The following PLA2G4D variants were observed in gnomAD, a reference collection of about 807,000 sequenced individuals.
PLA2G4D encodes cytosolic phospholipase A2 delta.
In PLA2G4D, 80 loss-of-function variants were observed where a neutral mutation model predicts 94.4. That is an observed-to-expected ratio of 0.85 (90% CI 0.71 to 1.02). PLA2G4D has a LOEUF of 1.02. Among genes scored for constraint, PLA2G4D ranks in the 50% least tolerant of loss-of-function variants. PLA2G4D has a pLI of 0.00. For missense variants in PLA2G4D, 1,050 were observed against 1,034.7 expected, an observed-to-expected ratio of 1.01 and a Z score of -0.20; for synonymous variants, 438 against 440.9, an observed-to-expected ratio of 0.99 and a Z score of 0.08.
chr15:42,093,064 A>C (rs1008175221), intron 1 of PLA2G4D, among the ~76,000 whole-genome samples: 8 of 152,148 alleles, frequency 5.3e-5, no homozygotes, highest in African/African-American at 1.9e-4. Context: ...GGCACGTTCC[A>C]GAACAGGTCC....
intron 11 of PLA2G4D, 119 bp downstream of exon 11, chr15:42,081,360 T>C: frequency 2.7e-6 from 4 of 1,487,414 alleles, no homozygotes; most frequent in East Asian, 2.3e-5. Context: ...CACGCTCCCA[T>C]GTCTCCACAC....
At chr15:42,094,290 T>A in intron 1 of PLA2G4D, 125 bp downstream of exon 1, 5 of 1,016,326 alleles carry the variant, frequency 4.9e-6, no homozygotes, top group African/African-American at 1.6e-5. Context: ...ATCCCAAATC[T>A]CAGACTCCCT....
chr15:42,070,021 G>T lies in PLA2G4D; in HGVS notation c.2118C>A (p.Asp706Glu). 1.3e-6 allele frequency: 2 copies of T among 1,515,688 alleles called. No homozygotes were observed. Among genetic ancestry groups the T allele is most frequent in the Non-Finnish European group, 1.8e-6 (2 of 1,132,764 alleles). 93.9% of individuals were successfully genotyped at this position (1,515,688 alleles called of 1,614,324 possible). Residue 706 changes from aspartate (D) to glutamate (E), a missense_variant, in exon 19 of 20, where the codon GAC (aspartate) becomes GAA (glutamate). Coordinates refer to ENST00000290472, the MANE Select transcript of PLA2G4D (RefSeq NM_178034.4). ...PFPRVEPSPQDQHQPRECHLF... is the reference protein window; with the variant it reads ...PFPRVEPSPQEQHQPRECHLF... The stretch of plus-strand genomic sequence containing the variant: ...GGTGGCATTCCCTTGGCTGGTGCTG[G>T]TCCTGAGGGCTGGGTTCCACCCGGG...
chr15:42,085,865 C>G (rs1025193925), intron 4 of PLA2G4D, among the ~76,000 whole-genome samples: 1 of 152,172 alleles, frequency 6.6e-6, no homozygotes, highest in Non-Finnish European at 1.5e-5. Context: ...GGGCCCAGAC[C>G]CCCGAACTCT....
rs201031755 is a variant in PLA2G4D at position 42,087,700 on chromosome 15, C to G, written c.46G>C (p.Gly16Arg). 1.1e-4 allele frequency: 171 copies of G among 1,614,026 alleles called. No individual in the cohort carries two copies. The highest frequency in any genetic ancestry group is 1.2e-4 in the Non-Finnish European group (146 of 1,179,944). ...AGCTGCCAGCAGGTAGAGGCCTCCC[C>G]CTGAAGAGAAAATCAAACTCCAGAG... ...PGGPPGHPYQ[G>R]EASTCWQLTV... Residue 16 changes from glycine to arginine, a missense_variant and splice_region_variant, in exon 2 of 20, where the codon GGG becomes CGG. Transcript: ENST00000290472.
intron 13 of PLA2G4D, among the ~76,000 whole-genome samples, chr15:42,074,114 A>G (rs748180320): frequency 6.6e-6 from 1 of 152,128 alleles, no homozygotes; most frequent in Non-Finnish European, 1.5e-5. Context: ...GATACATATG[A>G]CTAGGGAAAA....
chr15:42,091,997 A>G lies in PLA2G4D; in HGVS notation c.45+2418T>C, dbSNP rs574030458. 8.5e-5 allele frequency among the ~76,000 whole-genome samples: 13 copies of G among 152,276 alleles called. No homozygotes were observed. In the East Asian group the frequency reaches 2.5e-3, roughly 29 times the overall value. ...CCAATAAACAACAGCACAGCCAGAC[A>G]TTCAGGGCCACTACCGGTCTCCGCG... On this transcript the variant is annotated intron_variant, in intron 1 of 19. Transcript: ENST00000290472.
intron 6 of PLA2G4D, 92 bp from the exon 7 acceptor site, chr15:42,083,871 AC>A: frequency 7.9e-7 from 1 of 1,267,652 alleles, no homozygotes; most frequent in Non-Finnish European, 1.1e-6. Context: ...TCCCAAATCC[AC>A]CACACACACA....
At chr15:42,072,490 G>T (rs144141263) in intron 13 of PLA2G4D, 98 bp from the exon 14 acceptor site, 3 of 925,556 alleles carry the variant, frequency 3.2e-6, no homozygotes, top group Non-Finnish European at 5.1e-6. Context: ...CTGGCTGGGG[G>T]TGAGGAGGCA....
chr15:42,081,929 T>A, intron 9 of PLA2G4D, 95 bp from the exon 10 acceptor site: 47 of 595,482 alleles, frequency 7.9e-5, no homozygotes, highest in South Asian at 1.0e-4. Context: ...TCTTCATTCT[T>A]TTTTTTTTTT....
chr15:42,087,328 A>C lies in PLA2G4D; in HGVS notation c.227T>G (p.Phe76Cys). 2 of 1,614,154 alleles carry C rather than the reference A, an allele frequency of 1.2e-6. No individual in the cohort carries two copies. The highest frequency in any genetic ancestry group is 1.7e-6 in the Non-Finnish European group (2 of 1,180,008). The change falls in exon 3 of 20, where the codon TTC becomes TGC. Residue 76 changes from phenylalanine to cysteine, a missense_variant. Transcript: ENST00000290472. ...DTSHPVWNEAFRFLIQSQVKN... is the reference protein window; with the variant it reads ...DTSHPVWNEACRFLIQSQVKN... ...GACCTGACTTTGGATAAGGAAACGG[A>C]AGGCCTCATTCCACACAGGATGACT...
rs1254642243 is a variant in PLA2G4D at position 42,081,623 on chromosome 15, A to G, written c.822-9T>C. ...CGGCCAGCTCCTCAGGGCTGTGGCA[A>G]TGGAGGATCCAGGGGTCAGGGGACA... On this transcript the variant is annotated splice_polypyrimidine_tract_variant and intron_variant, in intron 10 of 19. Transcript: ENST00000290472. The G allele has an allele frequency of 3.1e-6, 5 of 1,613,780 alleles. No individual in the cohort carries two copies. Among genetic ancestry groups the G allele is most frequent in the Non-Finnish European group, 4.2e-6 (5 of 1,179,762 alleles).
rs1889811523 is a variant in PLA2G4D at position 42,071,333 on chromosome 15, C to T, written c.1682-16G>A. On this transcript the variant is annotated splice_polypyrimidine_tract_variant and intron_variant, in intron 16 of 19. Coordinates refer to ENST00000290472, the MANE Select transcript of PLA2G4D (RefSeq NM_178034.4). ...GGCTCCTTCTCTGAAGCCAGAGAAA[C>T]AGAAATTGGTCCCTTCTTCCCCTTA... 1 of 1,572,792 alleles carries T rather than the reference C, an allele frequency of 6.4e-7. No individual in the cohort carries two copies. The highest frequency in any genetic ancestry group is 8.6e-7 in the Non-Finnish European group (1 of 1,163,160).
At chr15:42,081,172 G>T (rs1389662216) in intron 11 of PLA2G4D, 39 bp from the exon 12 acceptor site, 2 of 1,599,940 alleles carry the variant, frequency 1.3e-6, no homozygotes, top group East Asian at 2.2e-5. Context: ...ACAAGGAAAG[G>T]GGCCAGCTGC....
chr15:42,074,282 C>T (rs183550230), intron 13 of PLA2G4D, among the ~76,000 whole-genome samples: 88 of 152,218 alleles, frequency 5.8e-4, no homozygotes, highest in African/African-American at 2.1e-3. Context: ...AGTTTCCAAG[C>T]AAGTAACCCC....
intron 18 of PLA2G4D, 150 bp from the exon 19 acceptor site, chr15:42,070,245 G>A: frequency 1.3e-6 from 1 of 744,714 alleles, no homozygotes. Context: ...GACTCGGAGG[G>A]AGACCCAGGG....
chr15:42,086,313 T>A lies in PLA2G4D; in HGVS notation c.287A>T (p.Asp96Val), dbSNP rs767943934. 2 of 1,611,416 alleles carry A rather than the reference T, an allele frequency of 1.2e-6. No homozygotes were observed. Among genetic ancestry groups the A allele is most frequent in the Non-Finnish European group, 1.7e-6 (2 of 1,178,900 alleles). Residue 96 changes from aspartate to valine, a missense_variant, in exon 4 of 20, where the codon GAC becomes GTC. By Grantham distance (152) the Asp-to-Val change is radical (BLOSUM62 -3). Transcript: ENST00000290472. Reference protein sequence around the residue: ...NVLELSIYDEDSVTEDDICFK... With the variant: ...NVLELSIYDEVSVTEDDICFK... ...GCAGATGTCATCCTCCGTGACTGAG[T>A]CCTCATCATAGATGCTAAGCTCCAG... is the stretch of plus-strand genomic sequence containing the variant.
At position 42,079,548 on chromosome 15, in the gene PLA2G4D, G is replaced by T. The variant is rs754509238; in HGVS notation, c.1306C>A (p.Leu436Met). Reference sequence around the variant, plus strand: ...CGCAGGCGCCCTACCTGGCCGTGCAGCATGGACTCCAGCACTAGCGCCCAC... The same window carrying T: ...CGCAGGCGCCCTACCTGGCCGTGCATCATGGACTCCAGCACTAGCGCCCAC... ...DLWALVLESMLHGQVMDQKLS... is the reference protein window; with the variant it reads ...DLWALVLESMMHGQVMDQKLS... The change falls in exon 13 of 20, where the codon CTG (leucine) becomes ATG (methionine). Residue 436 changes from leucine to methionine, a missense_variant. Coordinates refer to ENST00000290472, the MANE Select transcript of PLA2G4D (RefSeq NM_178034.4). 6 of 1,604,058 alleles carry T rather than the reference G, an allele frequency of 3.7e-6. No homozygotes were observed. The highest frequency in any genetic ancestry group is 5.1e-6 in the Non-Finnish European group (6 of 1,177,864).
chr15:42,074,928 T>C (rs1889888686), intron 13 of PLA2G4D, among the ~76,000 whole-genome samples: 1 of 152,184 alleles, frequency 6.6e-6, no homozygotes, highest in Admixed American at 6.5e-5. Context: ...AAAAATAGCA[T>C]AGGTGCTTTT....
Sources: gnomAD v4.1 joint callset for allele counts (sites outside exome capture counted in the v4.1 genomes callset) on GRCh38, gnomAD v4.1.1 for gene constraint, MANE v1.5 for transcripts, NCBI Gene and HGNC (gene_info 2026-07-23, HGNC 2026-07-21) for gene names.